SLC9A2: variants seen among roughly 807,000 people sequenced by gnomAD.
SLC9A2 encodes the protein solute carrier family 9 member A2, also known as sodium/hydrogen exchanger 2.
Under a neutral mutation model 71.7 loss-of-function variants are expected in SLC9A2, and 42 were observed. The observed-to-expected ratio is 0.59, with a 90% CI of 0.46 to 0.76. SLC9A2 has a LOEUF of 0.76. SLC9A2 is among the 30% of genes least tolerant of loss of function. The pLI is 0.00. For synonymous variants in SLC9A2, 396 were observed against 392.5 expected, an observed-to-expected ratio of 1.01 and a Z score of -0.10; for missense variants, 829 against 1,017.4, an observed-to-expected ratio of 0.81 and a Z score of 2.52.
In SLC9A2 at chr2:102,706,244, A is replaced by G. The variant is rs1208601920; in HGVS notation, c.2068+308A>G. ...TGAGGCAGGAGAATGGCGTGAACCC[A>G]GGAAGCGGAGCTTGCAGTGAGCCGA... On this transcript the variant is annotated intron_variant, in intron 11 of 11. Transcript: ENST00000233969. Among the ~76,000 whole-genome samples, 4 of 37,746 alleles carry G rather than the reference A, an allele frequency of 1.1e-4. 1 individual carries two copies. The highest frequency in any genetic ancestry group is 8.7e-4 in the South Asian group (1 of 1,152). The allele number at this position is 37,746 out of a possible 152,430, so 24.8% of individuals were successfully genotyped here. A position where few individuals can be genotyped will look rare whatever the true frequency, so the allele number is the denominator to read the frequency against.
chr2:102,695,728 A>G (rs1217354750), intron 7 of SLC9A2, among the ~76,000 whole-genome samples: 1 of 139,134 alleles, frequency 7.2e-6, no homozygotes, highest in Non-Finnish European at 1.6e-5. Flanking sequence ...AGACCATCTA[A>G]GGATGTAAAC....
intron 1 of SLC9A2, among the ~76,000 whole-genome samples, chr2:102,649,512 A>C (rs986461588): frequency 5.3e-5 from 8 of 151,818 alleles, no homozygotes; most frequent in African/African-American, 1.9e-4. Flanking sequence ...CACAGCAAAA[A>C]TTATCATCAG....
At position 102,708,478 on chromosome 2, in the gene SLC9A2, G is replaced by C. The variant is rs144642954; in HGVS notation, c.2428G>C (p.Glu810Gln). 1.4e-3 allele frequency: 2,183 copies of C among 1,613,794 alleles called. 3 individuals are homozygous for C. The highest frequency in any genetic ancestry group is 1.6e-3 in the Non-Finnish European group (1,932 of 1,179,880). ...AAGCCGGAAAGCCCGATTTGGGAGTGAGAAGCCTTAAGAGAAGCAGCGAAA... is the reference window on the plus strand; with the variant it reads ...AAGCCGGAAAGCCCGATTTGGGAGTCAGAAGCCTTAAGAGAAGCAGCGAAA... ...PGSRKARFGS[E>Q]KP The change falls in exon 12 of 12, where the codon GAG becomes CAG. Residue 810 changes from glutamate (E) to glutamine (Q), a missense_variant. By Grantham distance (29) the Glu-to-Gln change is conservative (BLOSUM62 2). Transcript: ENST00000233969.
intron 1 of SLC9A2, among the ~76,000 whole-genome samples, chr2:102,636,125 A>T (rs1236134440): frequency 6.6e-6 from 1 of 152,236 alleles, no homozygotes; most frequent in Non-Finnish European, 1.5e-5. Flanking sequence ...AATCTCCATG[A>T]ATCTTTAAAA....
At chr2:102,636,398 T>C (rs142170189) in intron 1 of SLC9A2, among the ~76,000 whole-genome samples, 4 of 152,338 alleles carry the variant, frequency 2.6e-5, no homozygotes, top group African/African-American at 7.2e-5. Flanking sequence ...AACCACTTAA[T>C]TGAAAAATGA....
At chr2:102,699,716 G>A (rs951602826) in intron 7 of SLC9A2, among the ~76,000 whole-genome samples, 1 of 152,164 alleles carries the variant, frequency 6.6e-6, no homozygotes, top group African/African-American at 2.4e-5. Context: ...CAACAGAAAT[G>A]AATTGTCTCA....
At chr2:102,620,240 T>C in intron 1 of SLC9A2, 103 bp downstream of exon 1, 4 of 1,000,442 alleles carry the variant, frequency 4.0e-6, no homozygotes, top group Non-Finnish European at 5.8e-6. Flanking sequence ...GACCGCCTCA[T>C]CTTGAATCAG....
At chr2:102,626,863 T>G (rs958050478) in intron 1 of SLC9A2, among the ~76,000 whole-genome samples, 1 of 152,140 alleles carries the variant, frequency 6.6e-6, no homozygotes, top group African/African-American at 2.4e-5. Context: ...ATAGATATTT[T>G]TATCACCAAA....
chr2:102,700,439 G>T lies in SLC9A2; in HGVS notation c.1587-631G>T, dbSNP rs1233807192. On this transcript the variant is annotated intron_variant, in intron 7 of 11. Coordinates refer to ENST00000233969, the MANE Select transcript of SLC9A2 (RefSeq NM_003048.6). ...AGAAGAAAACAAAACTGAGAGGGAG[G>T]GTGAGAAGGAGGTTGGGGTACCCCA... Among the ~76,000 whole-genome samples, 14 of 152,234 alleles carry T rather than the reference G, an allele frequency of 9.2e-5. No individual in the cohort carries two copies. The East Asian group carries it at 2.7e-3, about 29-fold the overall frequency.
At chr2:102,627,327 CA>C in intron 1 of SLC9A2, among the ~76,000 whole-genome samples, 1 of 151,306 alleles carries the variant, frequency 6.6e-6, no homozygotes, top group East Asian at 1.9e-4. Context: ...CTCTTAGAAA[CA>C]AAAAAAACAA....
chr2:102,646,805 C>T (rs1676733793), intron 1 of SLC9A2, among the ~76,000 whole-genome samples: 2 of 127,934 alleles, frequency 1.6e-5, no homozygotes, highest in Non-Finnish European at 3.2e-5. Flanking sequence ...AATACAGGAG[C>T]ACCCAGATTC....
At chr2:102,625,322 T>A (rs997377423) in intron 1 of SLC9A2, among the ~76,000 whole-genome samples, 11 of 152,332 alleles carry the variant, frequency 7.2e-5, no homozygotes, top group South Asian at 2.1e-4. Context: ...ATAGATTTTT[T>A]AAATTTTTTA....
At chr2:102,635,576 A>T (rs951278410) in intron 1 of SLC9A2, among the ~76,000 whole-genome samples, 1 of 152,250 alleles carries the variant, frequency 6.6e-6, no homozygotes, top group Non-Finnish European at 1.5e-5. Flanking sequence ...CTCGCTGTCC[A>T]TCCCTCCTCA....
At chr2:102,658,051 AC>A (rs1409073580) in intron 2 of SLC9A2, 24 bp downstream of exon 2, 1 of 1,553,290 alleles carries the variant, frequency 6.4e-7, no homozygotes, top group East Asian at 2.3e-5. Context: ...ACACTGCATG[AC>A]TCCAACAGGT....
chr2:102,670,924 T>C (rs886070680), intron 3 of SLC9A2, among the ~76,000 whole-genome samples: 7 of 136,152 alleles, frequency 5.1e-5, no homozygotes, highest in Middle Eastern at 8.4e-3. Flanking sequence ...TAGGAGAACA[T>C]CTCTTCAACA....
chr2:102,665,172 G>A lies in SLC9A2; in HGVS notation c.826G>A (p.Ala276Thr), dbSNP rs780009913. 419 of 1,613,836 alleles carry A rather than the reference G, an allele frequency of 2.6e-4. 1 individual carries two copies. The highest frequency in any genetic ancestry group is 3.3e-4 in the Non-Finnish European group (387 of 1,180,002). ...GACCATTGATGTGTTTGCAGGAATC[G>A]CCAACTTCTTTGTTGTGGGAATCGG... is the stretch of plus-strand genomic sequence containing the variant. Reference protein sequence around the residue: ...IETIDVFAGIANFFVVGIGGV... With the variant: ...IETIDVFAGITNFFVVGIGGV... Residue 276 changes from alanine to threonine, a missense_variant, in exon 3 of 12, where the codon GCC (alanine) becomes ACC (threonine). Physicochemically the swap from Ala to Thr is moderately conservative, Grantham distance 58. This residue lies in a region of SLC9A2 where 500 missense variants were observed against 726.3 expected (regional missense o/e 0.69). Transcript: ENST00000233969.
chr2:102,637,008 A>G (rs879546656), intron 1 of SLC9A2, among the ~76,000 whole-genome samples: 2 of 152,206 alleles, frequency 1.3e-5, no homozygotes, highest in African/African-American at 2.4e-5. Context: ...GAGGGTTGGA[A>G]GAAAGGAAGA....
intron 3 of SLC9A2, among the ~76,000 whole-genome samples, chr2:102,681,819 C>T (rs1050732647): frequency 6.6e-6 from 1 of 152,136 alleles, no homozygotes; most frequent in Non-Finnish European, 1.5e-5. Context: ...ATAAGGGGCA[C>T]AAAAATAAAC....
intron 4 of SLC9A2, 54 bp downstream of exon 4, chr2:102,683,532 G>A (rs1286285683): frequency 1.5e-6 from 2 of 1,366,432 alleles, no homozygotes; most frequent in Non-Finnish European, 1.0e-6. Context: ...TAATTGAATG[G>A]GGCTTTCCTT....
Sources: allele counts gnomAD v4.1 joint callset (sites outside exome capture counted in the v4.1 genomes callset), GRCh38; gene constraint gnomAD v4.1.1; regional missense constraint gnomAD v4.1.1; transcripts MANE v1.5; gene names NCBI Gene and HGNC (gene_info 2026-07-23, HGNC 2026-07-21).